Variants in FHIT observed in about 807,000 individuals in gnomAD.
FHIT encodes fragile histidine triad diadenosine triphosphatase, also known as bis(5'-adenosyl)-triphosphatase.
FHIT carries 19 observed loss-of-function variants against 17.9 expected under a neutral mutation model. The ratio of observed to expected loss-of-function variants is 1.06; its 90% CI spans 0.74 to 1.56. FHIT has a LOEUF of 1.56. Among genes scored for constraint, FHIT ranks in the 40% most tolerant of loss-of-function variants. The pLI, the probability that FHIT is intolerant of heterozygous loss-of-function variation, is 0.00. For synonymous variants in FHIT, 81 were observed against 69.7 expected (o/e 1.16, Z -0.81); for missense variants, 248 against 189.2 (o/e 1.31, Z -1.82).
chr3:59,997,232 C>G (rs1265424295), intron 7 of FHIT, among the ~76,000 whole-genome samples: 1 of 152,066 alleles, frequency 6.6e-6, no homozygotes, highest in Non-Finnish European at 1.5e-5. Context: ...ATGTACACAG[C>G]CAAAGGCATT....
At chr3:60,001,415 A>G (rs1575855072) in intron 7 of FHIT, among the ~76,000 whole-genome samples, 1 of 152,176 alleles carries the variant, frequency 6.6e-6, no homozygotes, top group Non-Finnish European at 1.5e-5. Context: ...GCCTGTGACG[A>G]TATCTGGCAC....
intron 2 of FHIT, among the ~76,000 whole-genome samples, chr3:61,046,625 T>C (rs1426464768): frequency 6.6e-6 from 1 of 152,180 alleles, no homozygotes; most frequent in Non-Finnish European, 1.5e-5. Context: ...GAGGGAATCA[T>C]CCCTAACTCA....
intron 5 of FHIT, among the ~76,000 whole-genome samples, chr3:60,491,912 T>G (rs2034084381): frequency 6.6e-6 from 1 of 152,210 alleles, no homozygotes; most frequent in Non-Finnish European, 1.5e-5. Context: ...TATGAAAAGT[T>G]TGCTTAAAGT....
At chr3:61,213,985 T>C (rs548135765) in intron 1 of FHIT, among the ~76,000 whole-genome samples, 1 of 152,026 alleles carries the variant, frequency 6.6e-6, no homozygotes, top group East Asian at 1.9e-4. Context: ...CATACCAGAA[T>C]CTCTGGGACC....
chr3:59,860,387 T>C (rs1347617857), intron 8 of FHIT, among the ~76,000 whole-genome samples: 1 of 152,120 alleles, frequency 6.6e-6, no homozygotes, highest in Non-Finnish European at 1.5e-5. Context: ...TGCTAGATAT[T>C]GAGAGAGAGT....
At chr3:60,456,207 T>C (rs1201564396) in intron 5 of FHIT, among the ~76,000 whole-genome samples, 1 of 152,220 alleles carries the variant, frequency 6.6e-6, no homozygotes, top group African/African-American at 2.4e-5. Context: ...ACAAATATTT[T>C]TAAAGTATAA....
intron 4 of FHIT, among the ~76,000 whole-genome samples, chr3:60,775,882 A>T (rs994651529): frequency 6.6e-6 from 1 of 152,092 alleles, no homozygotes; most frequent in African/African-American, 2.4e-5. Flanking sequence ...TGGCCAAGGG[A>T]TGTAACTCTA....
chr3:60,515,756 T>C (rs1166525173), intron 5 of FHIT, among the ~76,000 whole-genome samples: 1 of 152,160 alleles, frequency 6.6e-6, no homozygotes, highest in Non-Finnish European at 1.5e-5. Context: ...ATATATTAAC[T>C]CACATGATCC....
intron 5 of FHIT, among the ~76,000 whole-genome samples, chr3:60,365,068 T>C (rs1438656088): frequency 6.6e-6 from 1 of 150,418 alleles, no homozygotes; most frequent in East Asian, 1.9e-4. Context: ...ATATATTCTA[T>C]TGGTTCTGTT....
chr3:60,470,187 C>G (rs1005108468), intron 5 of FHIT, among the ~76,000 whole-genome samples: 2 of 151,956 alleles, frequency 1.3e-5, no homozygotes, highest in Non-Finnish European at 2.9e-5. Context: ...TGGGTCTCAC[C>G]CAAGGCCTAC....
chr3:60,794,036 G>A (rs1425708972), intron 4 of FHIT, among the ~76,000 whole-genome samples: 3 of 152,062 alleles, frequency 2.0e-5, no homozygotes, highest in Admixed American at 6.6e-5. Context: ...TAAGGTTGGA[G>A]AATTCAAAAA....
intron 2 of FHIT, among the ~76,000 whole-genome samples, chr3:61,178,482 A>G (rs1006619919): frequency 6.7e-6 from 1 of 150,308 alleles, no homozygotes; most frequent in Non-Finnish European, 1.5e-5. Context: ...TCCAGAATAT[A>G]GTAATCTAGT....
chr3:60,303,862 G>C (rs1280459475), intron 5 of FHIT, among the ~76,000 whole-genome samples: 1 of 152,168 alleles, frequency 6.6e-6, no homozygotes, highest in East Asian at 1.9e-4. Context: ...TCTCAGATGA[G>C]GGACTGGAGA....
At chr3:60,618,873 G>A (rs1427827284) in intron 4 of FHIT, among the ~76,000 whole-genome samples, 2 of 152,060 alleles carry the variant, frequency 1.3e-5, no homozygotes, top group African/African-American at 4.8e-5. Context: ...TTTGAAGAAG[G>A]AAGGGACCAT....
At chr3:60,595,522 G>C (rs1416463499) in intron 4 of FHIT, among the ~76,000 whole-genome samples, 1 of 46,310 alleles carries the variant, frequency 2.2e-5, no homozygotes, top group African/African-American at 1.3e-4. Flanking sequence ...TATATATATG[G>C]ACACACACAC....
chr3:60,292,158 T>C (rs1576431226), intron 5 of FHIT, among the ~76,000 whole-genome samples: 1 of 152,160 alleles, frequency 6.6e-6, no homozygotes, highest in Admixed American at 6.5e-5. Context: ...AGGGCCCAGG[T>C]GGAAATCACT....
chr3:61,044,062 CA>C (rs2033661588), intron 2 of FHIT, among the ~76,000 whole-genome samples: 1 of 152,184 alleles, frequency 6.6e-6, no homozygotes, highest in South Asian at 2.1e-4. Flanking sequence ...TTCTAAAAAT[CA>C]GAGCGCCTCT....
chr3:60,980,649 G>C (rs932667896), intron 3 of FHIT, among the ~76,000 whole-genome samples: 1 of 152,126 alleles, frequency 6.6e-6, no homozygotes, highest in Admixed American at 6.5e-5. Context: ...GAAAAGATGG[G>C]GGAATGGGGA....
At chr3:60,462,976 T>C (rs147560205) in intron 5 of FHIT, among the ~76,000 whole-genome samples, 76 of 152,332 alleles carry the variant, frequency 5.0e-4, no homozygotes, top group African/African-American at 1.8e-3. Context: ...CTCTGTGCTG[T>C]GCCACACTGA....
Sources: gnomAD v4.1 joint callset for allele counts (sites outside exome capture counted in the v4.1 genomes callset) on GRCh38, gnomAD v4.1.1 for gene constraint, MANE v1.5 for transcripts, NCBI Gene and HGNC (gene_info 2026-07-23, HGNC 2026-07-21) for gene names.